EFCAB6: variants seen among roughly 807,000 people sequenced by gnomAD.
EFCAB6 encodes EF-hand calcium-binding domain-containing protein 6.
A neutral mutation model predicts 169.8 loss-of-function variants in EFCAB6; 156 were observed. The ratio of observed to expected loss-of-function variants is 0.92; its 90% CI spans 0.81 to 1.05. The LOEUF is 1.05. Ranked by LOEUF, EFCAB6 falls within the 50% of genes least tolerant of loss-of-function variation. The probability of loss-of-function intolerance (pLI) is 0.00; values close to 1 mark genes in which losing one functional copy is unlikely to be tolerated. For synonymous variants in EFCAB6, 698 were observed against 676.4 expected, an observed-to-expected ratio of 1.03 and a Z score of -0.50; for missense variants, 1,800 against 1,829.1, an observed-to-expected ratio of 0.98 and a Z score of 0.29.
At chr22:43,700,349 T>C (rs2058724632) in intron 10 of EFCAB6, among the ~76,000 whole-genome samples, 1 of 152,232 alleles carries the variant, frequency 6.6e-6, no homozygotes, top group Admixed American at 6.5e-5. Context: ...AATTGGATGG[T>C]AAGAATAGGC....
At chr22:43,740,348 G>A (rs560105822) in intron 6 of EFCAB6, among the ~76,000 whole-genome samples, 11 of 152,110 alleles carry the variant, frequency 7.2e-5, no homozygotes, top group Non-Finnish European at 1.5e-4. Context: ...GGCACAGTGT[G>A]GACACTCAGT....
intron 10 of EFCAB6, among the ~76,000 whole-genome samples, chr22:43,698,345 T>A (rs899844887): frequency 6.6e-6 from 1 of 152,180 alleles, no homozygotes; most frequent in African/African-American, 2.4e-5. Context: ...TTTGTGGGGA[T>A]TTGTGTACAT....
At chr22:43,556,810 T>C (rs1290782349) in intron 26 of EFCAB6, among the ~76,000 whole-genome samples, 1 of 152,260 alleles carries the variant, frequency 6.6e-6, no homozygotes, top group Non-Finnish European at 1.5e-5. Flanking sequence ...GGAGCTTCTA[T>C]ACATCTTCAT....
At chr22:43,531,466 T>A (rs4823090) in intron 30 of EFCAB6, among the ~76,000 whole-genome samples, 21,269 of 152,242 alleles carry the variant, frequency 0.14, 1,596 homozygotes, top group Middle Eastern at 0.19. Context: ...AAGGTTGTAA[T>A]TATATCTAGT....
At chr22:43,580,794 C>A (rs896503700) in intron 24 of EFCAB6, 135 bp from the exon 25 acceptor site, 2 of 914,986 alleles carry the variant, frequency 2.2e-6, no homozygotes, top group Non-Finnish European at 3.3e-6. Context: ...CTTCGCTGTA[C>A]GTGCAGACAT....
intron 5 of EFCAB6, among the ~76,000 whole-genome samples, chr22:43,760,499 C>T (rs181951730): frequency 1.5e-3 from 232 of 152,300 alleles, no homozygotes; most frequent in Non-Finnish European, 2.3e-3. Context: ...TTGAGATTCT[C>T]AGCCATTATC....
At chr22:43,624,082 C>T (rs973362399) in intron 20 of EFCAB6, among the ~76,000 whole-genome samples, 1 of 152,120 alleles carries the variant, frequency 6.6e-6, no homozygotes, top group African/African-American at 2.4e-5. Context: ...TCCTTATGGA[C>T]ATGTCACTAA....
chr22:43,735,614 G>C (rs1202751399), intron 7 of EFCAB6, among the ~76,000 whole-genome samples: 2 of 152,174 alleles, frequency 1.3e-5, no homozygotes, highest in Non-Finnish European at 2.9e-5. Flanking sequence ...AGAGCTGCGG[G>C]CCAGAGGACG....
At chr22:43,633,869 C>A (rs1204766826) in intron 18 of EFCAB6, among the ~76,000 whole-genome samples, 2 of 152,206 alleles carry the variant, frequency 1.3e-5, no homozygotes. Context: ...CAGATAAACA[C>A]CCCCACCCCA....
At chr22:43,666,540 C>T (rs1170950364) in intron 17 of EFCAB6, among the ~76,000 whole-genome samples, 2 of 152,128 alleles carry the variant, frequency 1.3e-5, no homozygotes, top group African/African-American at 2.4e-5. Flanking sequence ...CTAGAGGGAT[C>T]GTAATACGAA....
intron 17 of EFCAB6, among the ~76,000 whole-genome samples, chr22:43,642,726 T>C (rs1160418999): frequency 6.6e-6 from 1 of 152,204 alleles, no homozygotes; most frequent in Non-Finnish European, 1.5e-5. Flanking sequence ...TGACTGTCCA[T>C]GTGGCCCCAG....
chr22:43,796,985 A>G lies in EFCAB6; in HGVS notation c.-8+12010T>C, dbSNP rs183442906. Reference sequence around the variant, plus strand: ...GCTGAGCACCAAATTAAGGTCATCCACTGTTAAAATGTATAAGCCAATGCT... The same window carrying G: ...GCTGAGCACCAAATTAAGGTCATCCGCTGTTAAAATGTATAAGCCAATGCT... On this transcript the variant is annotated intron_variant, in intron 2 of 31. Coordinates refer to ENST00000262726, the MANE Select transcript of EFCAB6 (RefSeq NM_022785.4). 6.6e-5 allele frequency among the ~76,000 whole-genome samples: 10 copies of G among 152,298 alleles called. No homozygotes were observed. In the East Asian group the frequency reaches 1.9e-3, roughly 29 times the overall value.
In EFCAB6 at chr22:43,706,183, G is replaced by A. The variant is rs1033047614; in HGVS notation, c.1031+5292C>T. Among the ~76,000 whole-genome samples, 6 of 152,178 alleles carry A rather than the reference G, an allele frequency of 3.9e-5. No individual in the cohort carries two copies. The East Asian group carries it at 7.7e-4, about 20-fold the overall frequency. On this transcript the variant is annotated intron_variant, in intron 10 of 31. Coordinates refer to ENST00000262726, the MANE Select transcript of EFCAB6 (RefSeq NM_022785.4). ...GAAAATATTTTTTAACTGCCAACTC[G>A]GCTCCAGGAACACTGGCTTCTGCCA...
At chr22:43,772,819 G>C in intron 4 of EFCAB6, 73 bp downstream of exon 4, 1 of 1,540,670 alleles carries the variant, frequency 6.5e-7, no homozygotes, top group Non-Finnish European at 8.9e-7. Context: ...AGACAGGAGA[G>C]GTTACCTGCT....
intron 4 of EFCAB6, among the ~76,000 whole-genome samples, chr22:43,772,504 G>A (rs2061502866): frequency 6.6e-6 from 1 of 152,044 alleles, no homozygotes; most frequent in Admixed American, 6.6e-5. Flanking sequence ...CAGGCATCAT[G>A]GTGGCCCACG....
intron 23 of EFCAB6, among the ~76,000 whole-genome samples, chr22:43,595,880 A>T (rs1218797665): frequency 6.6e-6 from 1 of 152,200 alleles, no homozygotes; most frequent in Non-Finnish European, 1.5e-5. Context: ...TCAACAACAC[A>T]TTAAAAGGAC....
intron 8 of EFCAB6, among the ~76,000 whole-genome samples, chr22:43,729,634 C>T (rs1209778351): frequency 6.6e-6 from 1 of 152,084 alleles, no homozygotes; most frequent in Admixed American, 6.5e-5. Flanking sequence ...TGGAAGAAAA[C>T]GTAACTTCAG....
chr22:43,762,967 A>T (rs187381451), intron 5 of EFCAB6, among the ~76,000 whole-genome samples: 168 of 152,338 alleles, frequency 1.1e-3, no homozygotes, highest in Middle Eastern at 3.4e-3. Flanking sequence ...CTTAGCACTA[A>T]CTAAAGAGAG....
At chr22:43,543,551 G>A (rs2047871092) in intron 27 of EFCAB6, among the ~76,000 whole-genome samples, 1 of 152,076 alleles carries the variant, frequency 6.6e-6, no homozygotes, top group South Asian at 2.1e-4. Context: ...CCAGGCTCTG[G>A]GGGAGGGGAA....
Sources: allele counts gnomAD v4.1 joint callset (sites outside exome capture counted in the v4.1 genomes callset), GRCh38; gene constraint gnomAD v4.1.1; transcripts MANE v1.5; gene names NCBI Gene and HGNC (gene_info 2026-07-23, HGNC 2026-07-21).